Variants in ARHGAP42 observed in about 807,000 individuals in gnomAD.
ARHGAP42 encodes the protein rho GTPase-activating protein 42.
ARHGAP42 carries 63 observed loss-of-function variants against 125.0 expected under a neutral mutation model. The ratio of observed to expected loss-of-function variants is 0.50; its 90% CI spans 0.41 to 0.62. The LOEUF is 0.62. ARHGAP42 is among the 20% of genes least tolerant of loss of function. The pLI, the probability that ARHGAP42 is intolerant of heterozygous loss-of-function variation, is 0.00. For missense variants in ARHGAP42, 766 were observed against 1,024.2 expected, an observed-to-expected ratio of 0.75 and a Z score of 3.44; for synonymous variants, 339 against 351.0, an observed-to-expected ratio of 0.97 and a Z score of 0.38.
chr11:100,836,077 G>A (rs1864780889), intron 3 of ARHGAP42, among the ~76,000 whole-genome samples: 1 of 152,060 alleles, frequency 6.6e-6, no homozygotes, highest in South Asian at 2.1e-4. Flanking sequence ...AGTCATTAGA[G>A]CTTTGGAAAT....
intron 17 of ARHGAP42, among the ~76,000 whole-genome samples, chr11:100,970,118 A>G (rs958930383): frequency 6.6e-6 from 1 of 151,856 alleles, no homozygotes; most frequent in African/African-American, 2.4e-5. Flanking sequence ...CCTCCCAGGT[A>G]GCTGGAATTA....
intron 1 of ARHGAP42, among the ~76,000 whole-genome samples, chr11:100,726,690 A>G (rs1861867800): frequency 6.6e-6 from 1 of 152,200 alleles, no homozygotes; most frequent in Non-Finnish European, 1.5e-5. Context: ...CACTACCAAA[A>G]AGTCATTATA....
At chr11:100,945,371 T>A (rs1033973035) in intron 10 of ARHGAP42, among the ~76,000 whole-genome samples, 3 of 152,048 alleles carry the variant, frequency 2.0e-5, no homozygotes, top group African/African-American at 7.2e-5. Context: ...ATATTTTGGC[T>A]TCCTCCCACG....
chr11:100,920,485 C>T (rs1488702960), intron 5 of ARHGAP42, among the ~76,000 whole-genome samples: 2 of 151,858 alleles, frequency 1.3e-5, no homozygotes. Flanking sequence ...GTTTTCTATC[C>T]CCAAATTGGT....
intron 3 of ARHGAP42, among the ~76,000 whole-genome samples, chr11:100,845,715 A>T (rs1327690636): frequency 6.6e-6 from 1 of 152,182 alleles, no homozygotes; most frequent in Non-Finnish European, 1.5e-5. Context: ...TCACAGCATT[A>T]CATAGTCTTG....
chr11:100,901,310 A>G (rs1316866435), intron 4 of ARHGAP42, among the ~76,000 whole-genome samples: 1 of 152,154 alleles, frequency 6.6e-6, no homozygotes, highest in Non-Finnish European at 1.5e-5. Flanking sequence ...ACATGCCTAT[A>G]TGAGGTGACT....
chr11:100,749,030 G>C (rs1210354836), intron 1 of ARHGAP42, among the ~76,000 whole-genome samples: 1 of 151,278 alleles, frequency 6.6e-6, no homozygotes, highest in Non-Finnish European at 1.5e-5. Context: ...TTGACTCTCT[G>C]TCTCTTTCTC....
At chr11:100,776,971 A>C (rs1018833072) in intron 2 of ARHGAP42, among the ~76,000 whole-genome samples, 2 of 139,092 alleles carry the variant, frequency 1.4e-5, no homozygotes, top group African/African-American at 5.6e-5. Context: ...CAACAAAGTG[A>C]ACACTGTCTC....
intron 4 of ARHGAP42, among the ~76,000 whole-genome samples, chr11:100,876,577 C>G (rs183429046): frequency 3.9e-5 from 6 of 152,206 alleles, no homozygotes; most frequent in Middle Eastern, 3.4e-3. Context: ...CAAAATCAGC[C>G]AATTAAAAAG....
intron 4 of ARHGAP42, among the ~76,000 whole-genome samples, chr11:100,902,873 A>T (rs538572425): frequency 6.6e-6 from 1 of 152,150 alleles, no homozygotes; most frequent in East Asian, 1.9e-4. Context: ...TTCTTGTTCC[A>T]TGGGGTGAAT....
chr11:100,935,578 T>A (rs1426375134), intron 7 of ARHGAP42, among the ~76,000 whole-genome samples: 2 of 152,102 alleles, frequency 1.3e-5, no homozygotes, highest in Non-Finnish European at 2.9e-5. Flanking sequence ...AAATTTTATG[T>A]AGTGCATCCT....
intron 6 of ARHGAP42, among the ~76,000 whole-genome samples, chr11:100,922,758 G>A (rs993775158): frequency 3.3e-5 from 5 of 152,148 alleles, no homozygotes; most frequent in African/African-American, 1.2e-4. Context: ...CTGAGACAGA[G>A]CAGAGGTTGG....
intron 4 of ARHGAP42, among the ~76,000 whole-genome samples, chr11:100,888,919 T>G (rs1228353578): frequency 6.6e-6 from 1 of 152,246 alleles, no homozygotes; most frequent in Non-Finnish European, 1.5e-5. Context: ...TAGTGCAGTT[T>G]CAATATCACT....
chr11:100,922,770 G>A (rs1280220933), intron 6 of ARHGAP42, among the ~76,000 whole-genome samples: 1 of 152,138 alleles, frequency 6.6e-6, no homozygotes, highest in Non-Finnish European at 1.5e-5. Context: ...AGAGGTTGGG[G>A]ACTGTTATCA....
rs1344461802 is a variant in ARHGAP42 at position 100,687,548 on chromosome 11, A to C, written c.-131A>C. ...CGCTCGGGGCCCGTTTCCTCCGCGC[A>C]ATCAGTCCCCTCGCGTCCCGGCGCC... is the stretch of plus-strand genomic sequence containing the variant. On this transcript the variant is annotated 5_prime_UTR_variant, in exon 1 of 24. Transcript: ENST00000298815. 1 of 610,496 alleles carries C rather than the reference A, an allele frequency of 1.6e-6. No individual in the cohort carries two copies. The highest frequency in any genetic ancestry group is 5.2e-5 in the Admixed American group (1 of 19,350). 37.8% of individuals were successfully genotyped at this position (610,496 alleles called of 1,614,324 possible).
intron 4 of ARHGAP42, among the ~76,000 whole-genome samples, chr11:100,889,281 T>C (rs1026909114): frequency 3.3e-5 from 5 of 152,178 alleles, no homozygotes; most frequent in Non-Finnish European, 7.3e-5. Flanking sequence ...AGGTGGGGCC[T>C]TTTGAGAGGC....
At chr11:100,960,744 T>C (rs1478355078) in intron 13 of ARHGAP42, among the ~76,000 whole-genome samples, 171 bp from the exon 14 acceptor site, 1 of 152,194 alleles carries the variant, frequency 6.6e-6, no homozygotes, top group Non-Finnish European at 1.5e-5. Context: ...CAGTGTCTGC[T>C]CTGAGAAATA....
intron 3 of ARHGAP42, among the ~76,000 whole-genome samples, chr11:100,812,259 A>G (rs564972454): frequency 6.6e-6 from 1 of 152,376 alleles, no homozygotes; most frequent in Admixed American, 6.5e-5. Flanking sequence ...ACCATAGCAT[A>G]GTTTCATTTT....
rs1225980930 is a variant in ARHGAP42 at position 100,941,778 on chromosome 11, C to A, written c.833-6C>A. 1 of 1,496,028 alleles carries A rather than the reference C, an allele frequency of 6.7e-7. No homozygotes were observed. The highest frequency in any genetic ancestry group is 2.5e-5 in the East Asian group (1 of 39,728). The allele number at this position is 1,496,028 out of a possible 1,614,324, so 92.7% of individuals were successfully genotyped here. A position where few individuals can be genotyped will look rare whatever the true frequency, so the allele number is the denominator to read the frequency against. On this transcript the variant is annotated splice_region_variant and splice_polypyrimidine_tract_variant and intron_variant, in intron 8 of 23. Coordinates refer to ENST00000298815, the MANE Select transcript of ARHGAP42 (RefSeq NM_152432.4). ...AATCTGAAATTTTTTTGTTTCCTTACATTAGGACCGCTTGGTTTTACATGG... is the reference window on the plus strand; with the variant it reads ...AATCTGAAATTTTTTTGTTTCCTTAAATTAGGACCGCTTGGTTTTACATGG...
Sources: allele counts gnomAD v4.1 joint callset (sites outside exome capture counted in the v4.1 genomes callset), GRCh38; gene constraint gnomAD v4.1.1; transcripts MANE v1.5; gene names NCBI Gene and HGNC (gene_info 2026-07-23, HGNC 2026-07-21).